The following PROX2 variants were observed in gnomAD, a reference collection of about 807,000 sequenced individuals.
The protein encoded by PROX2 is prospero homeobox 2, also known as prospero homeobox protein 2.
In PROX2, 46 loss-of-function variants were observed where a neutral mutation model predicts 48.9. The ratio of observed to expected loss-of-function variants is 0.94; its 90% CI spans 0.74 to 1.20. The LOEUF (loss-of-function observed/expected upper bound fraction) is 1.20, where lower values mean the gene tolerates loss of function less well. Ranked by LOEUF, PROX2 falls within the 50% of genes most tolerant of loss-of-function variation. The pLI is 0.00. For missense variants in PROX2, 663 were observed against 719.4 expected (o/e 0.92, Z 0.90); for synonymous variants, 260 against 276.6 (o/e 0.94, Z 0.60).
chr14:74,856,834 G>T lies in PROX2; in HGVS notation c.1575C>A (p.Leu525=), dbSNP rs1371512718. The change falls in exon 5 of 6, where the codon CTC becomes CTA. Residue 525 remains leucine (L), a synonymous_variant. Transcript: ENST00000556489. ...VLRNSELFQA[L]NMHYNKGNDF... Reference sequence around the variant, plus strand: ...CATTTCCCTTGTTGTAGTGCATATTGAGAGCTTGAAAAAGTTCTGAATTGC... The same window carrying T: ...CATTTCCCTTGTTGTAGTGCATATTTAGAGCTTGAAAAAGTTCTGAATTGC... 3.4e-5 allele frequency: 55 copies of T among 1,613,962 alleles called. No individual in the cohort carries two copies. The highest frequency in any genetic ancestry group is 4.3e-5 in the Non-Finnish European group (51 of 1,179,864).
At position 74,855,308 on chromosome 14, in the gene PROX2, T is replaced by C. The variant is rs1386652792; in HGVS notation, c.1609-6A>G. Reference sequence around the variant, plus strand: ...TCCAAGAAGCAATCTGGAACCTGCATTTCCAAAGAGACCCACAAGAAAGAA... The same window carrying C: ...TCCAAGAAGCAATCTGGAACCTGCACTTCCAAAGAGACCCACAAGAAAGAA... On this transcript the variant is annotated splice_polypyrimidine_tract_variant and splice_region_variant and intron_variant, in intron 5 of 5. Transcript: ENST00000556489. 1 of 1,541,410 alleles carries C rather than the reference T, an allele frequency of 6.5e-7. No homozygotes were observed. Among genetic ancestry groups the C allele is most frequent in the African/African-American group, 1.4e-5 (1 of 73,294 alleles).
chr14:74,869,189 C>T (rs924005147), intron 2 of PROX2, among the ~76,000 whole-genome samples: 3 of 152,076 alleles, frequency 2.0e-5, no homozygotes, highest in African/African-American at 7.2e-5. Flanking sequence ...GCTGAGACTA[C>T]GTTAAACTGT....
Position 74,862,912 on chromosome 14 carries a change from C to A in PROX2, c.923G>T (p.Arg308Leu). Reference protein sequence around the residue: ...VPVGNLSLAKRLDSPRYPIPP... With the variant: ...VPVGNLSLAKLLDSPRYPIPP... ...GATAGGGTACCTAGGAGAATCTAGA[C>A]GCTTGGCCAGTGATAAATTTCCTAC... Residue 308 changes from arginine to leucine, a missense_variant, in exon 3 of 6, where the codon CGT (arginine) becomes CTT (leucine). Arg to Leu is a moderately radical substitution (Grantham distance 102). Transcript: ENST00000556489. 6.2e-7 allele frequency: 1 copy of A among 1,613,872 alleles called. No homozygotes were observed. Among genetic ancestry groups the A allele is most frequent in the Non-Finnish European group, 8.5e-7 (1 of 1,179,820 alleles).
At chr14:74,858,730 T>C (rs534619054) in intron 3 of PROX2, 1 of 522,874 alleles carries the variant, frequency 1.9e-6, no homozygotes, top group East Asian at 3.2e-5. Context: ...CATCTCGATG[T>C]GGAAAAGTTA....
rs752087101 is a variant in PROX2, at chr14:74,856,860, G to A, written c.1549C>T (p.Arg517Cys). ...VTNPKMLVVLRNSELFQALNM... is the reference protein window; with the variant it reads ...VTNPKMLVVLCNSELFQALNM... ...AGAGCTTGAAAAAGTTCTGAATTGC[G>A]GAGAACCACCAGCATTTTGGGATTT... is the stretch of plus-strand genomic sequence containing the variant. The change falls in exon 5 of 6, where the codon CGC (arginine) becomes TGC (cysteine). Residue 517 changes from arginine to cysteine, a missense_variant. Coordinates refer to ENST00000556489, the MANE Select transcript of PROX2 (RefSeq NM_001243007.2). The A allele has an allele frequency of 4.5e-5, 73 of 1,613,822 alleles. No homozygotes were observed. Among genetic ancestry groups the A allele is most frequent in the African/African-American group, 6.7e-5 (5 of 74,922 alleles).
At chr14:74,866,307 G>C (rs1387817831) in intron 2 of PROX2, among the ~76,000 whole-genome samples, 1 of 152,148 alleles carries the variant, frequency 6.6e-6, no homozygotes, top group Admixed American at 6.5e-5. Context: ...ATAAGCCTGG[G>C]GTTCAGTCAG....
In PROX2 at chr14:74,858,400, A is replaced by G. The variant is rs1157513666; in HGVS notation, c.1413+7T>C. The G allele has an allele frequency of 5.9e-6, 9 of 1,533,194 alleles. No homozygotes were observed. Among genetic ancestry groups the G allele is most frequent in the Non-Finnish European group, 8.0e-6 (9 of 1,125,678 alleles). 95.0% of individuals were successfully genotyped at this position (1,533,194 alleles called of 1,614,324 possible). A position where few individuals can be genotyped will look rare whatever the true frequency, so the allele number is the denominator to read the frequency against. On this transcript the variant is annotated splice_region_variant and intron_variant, in intron 4 of 5. Transcript: ENST00000556489. Reference sequence around the variant, plus strand: ...GCAGAAGCTGCCATTTAGTTGAGTGACTTTACCTGAACATCAGGAAAATAA... The same window carrying G: ...GCAGAAGCTGCCATTTAGTTGAGTGGCTTTACCTGAACATCAGGAAAATAA...
In PROX2 at chr14:74,853,681, C is replaced by T. The variant is rs1322380614; in HGVS notation, c.*1451G>A. The T allele has an allele frequency of 6.6e-6, 1 of 152,138 alleles. No individual in the cohort carries two copies. Among genetic ancestry groups the T allele is most frequent in the Non-Finnish European group, 1.5e-5 (1 of 68,040 alleles). The allele number at this position is 152,138 out of a possible 1,614,324, so 9.4% of individuals were successfully genotyped here. ...GGAAGTTGAGTAGCCGAATATGAAA[C>T]TTGTTTTATATAGACAGGAAAGAAG... On this transcript the variant is annotated 3_prime_UTR_variant, in exon 6 of 6. Coordinates refer to ENST00000556489, the MANE Select transcript of PROX2 (RefSeq NM_001243007.2).
rs111890771 is a variant in PROX2, at chr14:74,857,134, C to T, written c.1414-139G>A. ...CAGGGGCTTCCTTTAAAAAAAGAAGCGAAGCCACCGCTATTTTCCAAGCCT... is the reference window on the plus strand; with the variant it reads ...CAGGGGCTTCCTTTAAAAAAAGAAGTGAAGCCACCGCTATTTTCCAAGCCT... On this transcript the variant is annotated intron_variant, in intron 4 of 5. Transcript: ENST00000556489. The T allele has an allele frequency of 6.0e-3, 3,754 of 628,960 alleles. 103 individuals are homozygous for T. In the African/African-American group the frequency reaches 0.061, roughly 10 times the overall value. 39.0% of individuals were successfully genotyped at this position (628,960 alleles called of 1,614,324 possible).
At chr14:74,875,811 T>C (rs1441757535) in intron 1 of PROX2, among the ~76,000 whole-genome samples, 84 bp downstream of exon 1, 2 of 152,252 alleles carry the variant, frequency 1.3e-5, no homozygotes, top group Admixed American at 1.3e-4. Context: ...TCTACTTCTC[T>C]GCATATTTGA....
intron 1 of PROX2, chr14:74,874,250 AG>A: frequency 3.1e-6 from 1 of 323,480 alleles, no homozygotes; most frequent in East Asian, 8.4e-5. Flanking sequence ...GCATCATACA[AG>A]TTTTTTTTTT....
At chr14:74,856,064 C>T (rs2140160546) in intron 5 of PROX2, 1 of 152,370 alleles carries the variant, frequency 6.6e-6, no homozygotes, top group Middle Eastern at 3.4e-3. Flanking sequence ...CAATAAACCA[C>T]TCTTTGTGAT....
At chr14:74,868,415 C>T (rs1457569359) in intron 2 of PROX2, among the ~76,000 whole-genome samples, 2 of 142,084 alleles carry the variant, frequency 1.4e-5, no homozygotes, top group African/African-American at 2.6e-5. Flanking sequence ...TTAAATCTTT[C>T]ATGTGGATGA....
chr14:74,869,696 A>G (rs1039831593), intron 2 of PROX2, among the ~76,000 whole-genome samples: 2 of 152,216 alleles, frequency 1.3e-5, no homozygotes, highest in African/African-American at 4.8e-5. Context: ...TGTATCTATA[A>G]AAGAACATAC....
chr14:74,859,229 T>A (rs917006268), intron 3 of PROX2: 1 of 152,278 alleles, frequency 6.6e-6, no homozygotes, highest in Admixed American at 6.5e-5. Flanking sequence ...AAACCCTTCC[T>A]TGCCAAATTA....
intron 2 of PROX2, among the ~76,000 whole-genome samples, chr14:74,868,223 C>T (rs1883113506): frequency 6.7e-6 from 1 of 150,186 alleles, no homozygotes; most frequent in South Asian, 2.1e-4. Flanking sequence ...TCTAATGCCA[C>T]TCCCAGAGAA....
chr14:74,854,068 GCCT>G lies in PROX2; in HGVS notation c.*1061_*1063del, dbSNP rs201880589. On this transcript the variant is annotated 3_prime_UTR_variant, in exon 6 of 6. Transcript: ENST00000556489. ...GCAAGGCTGTGCACAGCCTGTGCAA[GCCT>G]CCTGTCTGGACTGCGGTTCTTCCTT... 471 of 228,930 alleles carry G rather than the reference GCCT, an allele frequency of 2.1e-3. 1 individual carries two copies. The highest frequency in any genetic ancestry group is 0.01 in the African/African-American group (438 of 42,906). 14.2% of individuals were successfully genotyped at this position (228,930 alleles called of 1,614,324 possible). A position where few individuals can be genotyped will look rare whatever the true frequency, so the allele number is the denominator to read the frequency against.
In PROX2 at chr14:74,862,679, T is replaced by C. The variant is rs2091804819; in HGVS notation, c.1156A>G (p.Lys386Glu). Residue 386 changes from lysine to glutamate, a missense_variant, in exon 3 of 6, where the codon AAG becomes GAG. Physicochemically the swap from Lys to Glu is moderately conservative, Grantham distance 56. Transcript: ENST00000556489. ...EPALRPWRTT[K>E]PQPLVLSQQQ... is the part of the protein sequence containing the mutation. ...TGGCTCAGGACCAATGGTTGCGGCTTAGTAGTTCTCCAAGGTCGTAGGGCA... is the reference window on the plus strand; with the variant it reads ...TGGCTCAGGACCAATGGTTGCGGCTCAGTAGTTCTCCAAGGTCGTAGGGCA... 2 of 1,613,920 alleles carry C rather than the reference T, an allele frequency of 1.2e-6. No homozygotes were observed. The highest frequency in any genetic ancestry group is 1.7e-6 in the Non-Finnish European group (2 of 1,179,860).
intron 3 of PROX2, among the ~76,000 whole-genome samples, chr14:74,860,236 A>G (rs2091783881): frequency 6.6e-6 from 1 of 152,230 alleles, no homozygotes; most frequent in South Asian, 2.1e-4. Flanking sequence ...TGTGTGTACC[A>G]CACATTAATT....
Sources: allele counts gnomAD v4.1 joint callset (sites outside exome capture counted in the v4.1 genomes callset), GRCh38; gene constraint gnomAD v4.1.1; transcripts MANE v1.5; gene names NCBI Gene and HGNC (gene_info 2026-07-23, HGNC 2026-07-21).